TTLL13: variants seen among roughly 807,000 people sequenced by gnomAD.
TTLL13 encodes the protein tubulin polyglutamylase TTLL13.
the TTLL13 span, chr15:90,253,275 C>A: frequency 3.1e-6 from 5 of 1,613,938 alleles, no homozygotes; most frequent in Non-Finnish European, 4.2e-6. Context: ...AATGTGTGGC[C>A]TGAAGGAGGT....
the TTLL13 span, chr15:90,263,928 T>C: frequency 2.6e-5 from 39 of 1,490,254 alleles, no homozygotes; most frequent in Middle Eastern, 1.3e-3. Flanking sequence ...TCCCACATGT[T>C]CCCCGGTACC....
At chr15:90,251,029 C>A in the TTLL13 span, 23 of 1,148,956 alleles carry the variant, frequency 2.0e-5, no homozygotes, top group Non-Finnish European at 2.8e-5. Context: ...TGTCATTAAC[C>A]CTTTGATACA....
the TTLL13 span, chr15:90,258,375 T>C: frequency 4.1e-6 from 4 of 981,746 alleles, no homozygotes; most frequent in South Asian, 1.4e-5. Flanking sequence ...GAATGGGAGA[T>C]GTGAAAGCCC....
the TTLL13 span, chr15:90,265,361 G>A: frequency 3.3e-6 from 4 of 1,228,026 alleles, no homozygotes; most frequent in Non-Finnish European, 3.1e-6. Flanking sequence ...GAAGACTGCC[G>A]AGCGGAAGCC....
chr15:90,258,429 T>C, the TTLL13 span: 2 of 687,646 alleles, frequency 2.9e-6, no homozygotes, highest in Non-Finnish European at 4.9e-6. Flanking sequence ...TCTCTACCCT[T>C]TTGACCTGCT....
the TTLL13 span, chr15:90,263,514 T>C: frequency 1.5e-5 from 8 of 526,156 alleles, no homozygotes; most frequent in East Asian, 6.0e-5. Context: ...CCAGCTCTAA[T>C]GGGAGATAAG....
the TTLL13 span, among the ~76,000 whole-genome samples, chr15:90,252,787 G>A: frequency 1.3e-5 from 2 of 152,150 alleles, no homozygotes; most frequent in Non-Finnish European, 2.9e-5. Context: ...CGAATCTCCT[G>A]AGGTCAGGAG....
chr15:90,258,997 AG>A, the TTLL13 span: 1 of 1,610,638 alleles, frequency 6.2e-7, no homozygotes, highest in South Asian at 1.1e-5. Flanking sequence ...CTTTAGATGA[AG>A]AATGTGGCCT....
At chr15:90,257,741 T>C in the TTLL13 span, 3 of 1,610,830 alleles carry the variant, frequency 1.9e-6, no homozygotes, top group Non-Finnish European at 2.5e-6. Flanking sequence ...TACTCTGTTT[T>C]CTCCTGCTTC....
chr15:90,259,467 T>C, the TTLL13 span, among the ~76,000 whole-genome samples: 2 of 152,126 alleles, frequency 1.3e-5, no homozygotes. Flanking sequence ...CCTCCCCTTC[T>C]CCTCCAGGTA....
the TTLL13 span, among the ~76,000 whole-genome samples, chr15:90,256,660 T>G: frequency 6.7e-6 from 1 of 150,110 alleles, no homozygotes; most frequent in Non-Finnish European, 1.5e-5. Flanking sequence ...TCCCTTTCCT[T>G]CCCTTCCTTT....
chr15:90,263,029 C>T, the TTLL13 span: 28 of 1,535,926 alleles, frequency 1.8e-5, no homozygotes, highest in East Asian at 4.2e-4. Flanking sequence ...GGAGCTGGAG[C>T]GGATGAAGGC....
chr15:90,258,405 C>T, the TTLL13 span: 1 of 777,726 alleles, frequency 1.3e-6, no homozygotes, highest in South Asian at 1.6e-5. Flanking sequence ...CAGGAATGAG[C>T]AGAAGGCATA....
At chr15:90,256,845 G>A in the TTLL13 span, among the ~76,000 whole-genome samples, 29,466 of 151,652 alleles carry the variant, frequency 0.19, 3,699 homozygotes, top group African/African-American at 0.35. Flanking sequence ...CTGCCACCAC[G>A]CCCAGTTAAC....
chr15:90,249,786 C>T, the TTLL13 span: 1 of 152,222 alleles, frequency 6.6e-6, no homozygotes, highest in Non-Finnish European at 1.5e-5. Flanking sequence ...CCAGCAGCCC[C>T]TCAGCTCTCC....
chr15:90,250,884 G>A, the TTLL13 span: 60 of 1,613,168 alleles, frequency 3.7e-5, no homozygotes, highest in South Asian at 1.2e-4. Flanking sequence ...AGGCGGAAAC[G>A]CAGGTAACTA....
the TTLL13 span, chr15:90,259,048 A>C: frequency 6.5e-7 from 1 of 1,547,698 alleles, no homozygotes; most frequent in Non-Finnish European, 8.7e-7. Flanking sequence ...TTGCATAGAT[A>C]ATATGTTCAT....
chr15:90,262,949 T>C, the TTLL13 span: 1 of 1,530,250 alleles, frequency 6.5e-7, no homozygotes, highest in South Asian at 1.2e-5. Context: ...TGCATTTATC[T>C]CTCATGTACC....
At chr15:90,258,827 G>GT in the TTLL13 span, 1 of 1,614,212 alleles carries the variant, frequency 6.2e-7, no homozygotes, top group Non-Finnish European at 8.5e-7. Flanking sequence ...TATGACCCTT[G>GT]TCAACCTCCG....
Sources: gnomAD v4.1 joint callset for allele counts (sites outside exome capture counted in the v4.1 genomes callset) on GRCh38, gnomAD v4.1.1 for gene constraint, MANE v1.5 for transcripts, NCBI Gene and HGNC (gene_info 2026-07-23, HGNC 2026-07-21) for gene names.